KCNN3: variants seen among roughly 807,000 people sequenced by gnomAD.
KCNN3 encodes small conductance calcium-activated potassium channel protein 3.
Under a neutral mutation model 62.9 loss-of-function variants are expected in KCNN3, and 16 were observed. That is an observed-to-expected ratio of 0.25 (90% CI 0.17 to 0.39). The LOEUF is 0.39. Among genes scored for constraint, KCNN3 ranks in the 10% least tolerant of loss-of-function variants. KCNN3 has a pLI of 1.00. For synonymous variants in KCNN3, 370 were observed against 389.2 expected, an observed-to-expected ratio of 0.95 and a Z score of 0.58; for missense variants, 599 against 949.4, an observed-to-expected ratio of 0.63 and a Z score of 4.85.
At position 154,746,161 on chromosome 1, in the gene KCNN3, C is replaced by T. The variant is rs916038001; in HGVS notation, c.1449-13017G>A. On this transcript the variant is annotated intron_variant, in intron 3 of 7. Coordinates refer to ENST00000271915, the MANE Select transcript of KCNN3 (RefSeq NM_002249.6). ...ATAGGAATGAGCCCCCTCCTGTGTGCCTGGCTTGGTGCCTACTTGGGAACT... is the reference window on the plus strand; with the variant it reads ...ATAGGAATGAGCCCCCTCCTGTGTGTCTGGCTTGGTGCCTACTTGGGAACT... Among the ~76,000 whole-genome samples the T allele has an allele frequency of 5.3e-5, 8 of 152,224 alleles. No homozygotes were observed. In the East Asian group the frequency reaches 5.8e-4, roughly 11 times the overall value.
At chr1:154,765,801 TTTTTGTTTTG>T (rs1553231936) in intron 3 of KCNN3, among the ~76,000 whole-genome samples, 1 of 151,434 alleles carries the variant, frequency 6.6e-6, no homozygotes, top group African/African-American at 2.4e-5. Context: ...TTTTGGTTTT[TTTTTGTTTTG>T]TTTTGTTTTG....
chr1:154,755,094 T>A (rs1362384793), intron 3 of KCNN3, among the ~76,000 whole-genome samples: 2 of 152,218 alleles, frequency 1.3e-5, no homozygotes, highest in African/African-American at 2.4e-5. Context: ...CCTAGTAGTT[T>A]TCTTGCCACC....
chr1:154,860,951 G>T (rs1252219205), intron 1 of KCNN3, among the ~76,000 whole-genome samples: 14 of 112,056 alleles, frequency 1.2e-4, no homozygotes, highest in East Asian at 6.0e-4. Context: ...TGCCACCCAA[G>T]TTTTTTTTTT....
intron 2 of KCNN3, among the ~76,000 whole-genome samples, chr1:154,789,064 G>A (rs941228115): frequency 3.3e-5 from 5 of 152,192 alleles, no homozygotes; most frequent in African/African-American, 1.2e-4. Context: ...TGTGGAATCA[G>A]TTTCACTAGA....
chr1:154,795,931 C>T (rs898158663), intron 2 of KCNN3, among the ~76,000 whole-genome samples: 1 of 152,144 alleles, frequency 6.6e-6, no homozygotes, highest in Non-Finnish European at 1.5e-5. Context: ...CTATCTGCCC[C>T]CCTGGGGAGT....
chr1:154,771,349 C>T (rs994449676), intron 3 of KCNN3, among the ~76,000 whole-genome samples: 1 of 152,192 alleles, frequency 6.6e-6, no homozygotes, highest in Non-Finnish European at 1.5e-5. Context: ...AAAGTATGTT[C>T]CATCAGTACA....
At chr1:154,788,775 G>A (rs1038173852) in intron 2 of KCNN3, among the ~76,000 whole-genome samples, 3 of 152,138 alleles carry the variant, frequency 2.0e-5, no homozygotes, top group East Asian at 1.9e-4. Context: ...TTAACACAGC[G>A]TTTACTAGGT....
rs369164690 is a variant in KCNN3 at position 154,822,163 on chromosome 1, G to A, written c.955C>T (p.Leu319=). 5 of 1,613,808 alleles carry A rather than the reference G, an allele frequency of 3.1e-6. No homozygotes were observed. In the Admixed American group the frequency reaches 6.7e-5, roughly 22 times the overall value. The change falls in exon 2 of 8, where the codon CTG becomes TTG. Residue 319 remains leucine (L), a synonymous_variant. Transcript: ENST00000271915. ...GTGGACAGACTGATAAGGCATTTCA[G>A]GGCCAACGAAAACATGGAGTCCTGC... is the stretch of plus-strand genomic sequence containing the variant. ...YSKDSMFSLA[L]KCLISLSTII...
At chr1:154,868,713 TAACA>T (rs1274411126) in intron 1 of KCNN3, among the ~76,000 whole-genome samples, 1 of 152,032 alleles carries the variant, frequency 6.6e-6, no homozygotes, top group Non-Finnish European at 1.5e-5. Context: ...GAATCCTCCC[TAACA>T]GAGAGTCTGC....
At chr1:154,719,539 T>C (rs1043349075) in intron 5 of KCNN3, among the ~76,000 whole-genome samples, 1 of 152,174 alleles carries the variant, frequency 6.6e-6, no homozygotes, top group Non-Finnish European at 1.5e-5. Context: ...CCTTGGTATA[T>C]GTGCACCATC....
At chr1:154,810,895 G>A (rs1393193851) in intron 2 of KCNN3, among the ~76,000 whole-genome samples, 2 of 152,262 alleles carry the variant, frequency 1.3e-5, no homozygotes, top group Non-Finnish European at 2.9e-5. Flanking sequence ...TAGCTTTGGA[G>A]ATGGTCAACT....
At chr1:154,732,713 G>A (rs1046979844) in intron 4 of KCNN3, among the ~76,000 whole-genome samples, 1 of 152,236 alleles carries the variant, frequency 6.6e-6, no homozygotes, top group Non-Finnish European at 1.5e-5. Context: ...GGGCATCAGA[G>A]CATTGGGCCA....
intron 1 of KCNN3, chr1:154,859,581 G>T (rs1652676166): frequency 2.0e-6 from 2 of 1,003,308 alleles, no homozygotes; most frequent in Admixed American, 1.7e-5. Flanking sequence ...TCCCTGCAGG[G>T]CCCCCTCAGC....
At chr1:154,847,934 C>T (rs1459203715) in intron 1 of KCNN3, among the ~76,000 whole-genome samples, 1 of 152,252 alleles carries the variant, frequency 6.6e-6, no homozygotes, top group Non-Finnish European at 1.5e-5. Flanking sequence ...CAGTCACTCC[C>T]CCAGCTCCGA....
intron 1 of KCNN3, among the ~76,000 whole-genome samples, chr1:154,828,778 G>A (rs1188516541): frequency 1.3e-5 from 2 of 152,224 alleles, no homozygotes; most frequent in Admixed American, 6.5e-5. Context: ...CCATACAGAT[G>A]TCAGTGCAGG....
At chr1:154,819,661 C>T (rs1346520806) in intron 2 of KCNN3, among the ~76,000 whole-genome samples, 10 of 152,150 alleles carry the variant, frequency 6.6e-5, no homozygotes, top group African/African-American at 1.2e-4. Context: ...CAGAGGAAGC[C>T]GGTTTTGGTG....
chr1:154,841,083 C>T (rs1020042849), intron 1 of KCNN3, among the ~76,000 whole-genome samples: 12 of 152,198 alleles, frequency 7.9e-5, no homozygotes, highest in Admixed American at 7.8e-4. Flanking sequence ...TGAGGCCTGC[C>T]CTAGGGCTGC....
In KCNN3 at chr1:154,705,150, T is replaced by G. The variant is rs1473361106; in HGVS notation, c.*2826A>C. ...AAATAAGGTACAAGAAGGCATGACA[T>G]GAGAATCCACCTGCCCCTTTTCCCA... On this transcript the variant is annotated 3_prime_UTR_variant, in exon 8 of 8. Coordinates refer to ENST00000271915, the MANE Select transcript of KCNN3 (RefSeq NM_002249.6). 3 of 152,164 alleles carry G rather than the reference T, an allele frequency of 2.0e-5. No individual in the cohort carries two copies. The highest frequency in any genetic ancestry group is 7.2e-5 in the African/African-American group (3 of 41,424). The allele number at this position is 152,164 out of a possible 1,614,324, so 9.4% of individuals were successfully genotyped here.
chr1:154,784,385 AC>A lies in KCNN3; in HGVS notation c.1030-11993del, dbSNP rs376079075. On this transcript the variant is annotated intron_variant, in intron 2 of 7. Transcript: ENST00000271915. ...CCCCTCTATCCCCATCACCTGCCAC[AC>A]CCGGTGTCTCATCCCAGCTAAACCA... Among the ~76,000 whole-genome samples the A allele has an allele frequency of 1.1e-4, 17 of 152,220 alleles. No homozygotes were observed. The East Asian group carries it at 3.1e-3, about 28-fold the overall frequency.
Sources: allele counts gnomAD v4.1 joint callset (sites outside exome capture counted in the v4.1 genomes callset), GRCh38; gene constraint gnomAD v4.1.1; transcripts MANE v1.5; gene names NCBI Gene and HGNC (gene_info 2026-07-23, HGNC 2026-07-21).